SASH1: variants seen among roughly 807,000 people sequenced by gnomAD.
SASH1 encodes SAM and SH3 domain-containing protein 1.
A neutral mutation model predicts 125.2 loss-of-function variants in SASH1; 44 were observed. The observed-to-expected ratio is 0.35, with a 90% CI of 0.28 to 0.45. The LOEUF (loss-of-function observed/expected upper bound fraction) is 0.45. Ranked by LOEUF, SASH1 falls within the 20% of genes least tolerant of loss-of-function variation. The pLI is 1.00. For missense variants in SASH1, 1,426 were observed against 1,614.5 expected, an observed-to-expected ratio of 0.88 and a Z score of 2.00; for synonymous variants, 639 against 649.1, an observed-to-expected ratio of 0.98 and a Z score of 0.24.
At chr6:148,382,271 T>C (rs913797496) in intron 1 of SASH1, among the ~76,000 whole-genome samples, 3 of 152,160 alleles carry the variant, frequency 2.0e-5, no homozygotes, top group African/African-American at 7.2e-5. Context: ...CTCCGCCTTC[T>C]GTGTCCTCGG....
At chr6:148,361,959 G>T (rs571862007) in intron 1 of SASH1, among the ~76,000 whole-genome samples, 170 of 144,160 alleles carry the variant, frequency 1.2e-3, no homozygotes, top group Admixed American at 2.1e-3. Flanking sequence ...TGTCGCCCAG[G>T]CTGGAGTGCA....
the SASH1 span, among the ~76,000 whole-genome samples, chr6:148,254,043 T>TA: frequency 2.6e-5 from 4 of 151,890 alleles, no homozygotes; most frequent in East Asian, 7.7e-4. Flanking sequence ...CCATCTCTAC[T>TA]AAAAATACAA....
chr6:148,486,957 A>G (rs753774092), intron 7 of SASH1, among the ~76,000 whole-genome samples: 4 of 19,030 alleles, frequency 2.1e-4, no homozygotes, highest in Non-Finnish European at 3.4e-4. Context: ...ATATATATAT[A>G]TATATATATA....
rs569737641 is a variant in SASH1, at chr6:148,507,554, A to G, written c.730-6770A>G. On this transcript the variant is annotated intron_variant, in intron 8 of 19. Transcript: ENST00000367467. ...CCTGACTAAGTTTTGTAGTTTTAGT[A>G]GAGACGGGTTTTCACCATGTTTCCC... Among the ~76,000 whole-genome samples the G allele has an allele frequency of 1.2e-3, 187 of 152,214 alleles. 3 individuals are homozygous for G. The highest frequency in any genetic ancestry group is 2.2e-3 in the Admixed American group (33 of 15,290).
chr6:148,524,573 G>A (rs1781022660), intron 10 of SASH1: 1 of 152,162 alleles, frequency 6.6e-6, no homozygotes, highest in Non-Finnish European at 1.5e-5. Context: ...AAATTAAAAA[G>A]TGTGGTCAAA....
intron 7 of SASH1, among the ~76,000 whole-genome samples, chr6:148,483,769 T>A (rs765733408): frequency 6.6e-6 from 1 of 152,178 alleles, no homozygotes; most frequent in Non-Finnish European, 1.5e-5. Context: ...TCTTATAAAG[T>A]CATTAAGGTA....
the SASH1 span, among the ~76,000 whole-genome samples, chr6:148,265,285 A>G: frequency 7.1e-6 from 1 of 140,272 alleles, no homozygotes; most frequent in Non-Finnish European, 1.6e-5. Flanking sequence ...ATTCCAGCCT[A>G]GGTGATAAAA....
chr6:148,551,418 C>A lies in SASH1; in HGVS notation c.*2860C>A, dbSNP rs1363874897. On this transcript the variant is annotated 3_prime_UTR_variant, in exon 20 of 20. Coordinates refer to ENST00000367467, the MANE Select transcript of SASH1 (RefSeq NM_015278.5). ...ATTGTGTATGATTTTCACTTCAAAG[C>A]TGTCTGGAAGGAAATGCAGTCAGCT... The A allele has an allele frequency of 6.6e-6, 1 of 152,586 alleles. No homozygotes were observed. The highest frequency in any genetic ancestry group is 1.5e-5 in the Non-Finnish European group (1 of 68,032). 9.5% of individuals were successfully genotyped at this position (152,586 alleles called of 1,614,324 possible). A position where few individuals can be genotyped will look rare whatever the true frequency, so the allele number is the denominator to read the frequency against.
intron 4 of SASH1, among the ~76,000 whole-genome samples, chr6:148,449,682 C>T (rs1016133443): frequency 3.3e-5 from 5 of 152,234 alleles, no homozygotes; most frequent in African/African-American, 7.2e-5. Context: ...CCACTGCGCC[C>T]AGTCGGAGAC....
At chr6:148,463,466 GT>G (rs1260265413) in intron 4 of SASH1, among the ~76,000 whole-genome samples, 2 of 152,120 alleles carry the variant, frequency 1.3e-5, no homozygotes, top group African/African-American at 4.8e-5. Flanking sequence ...GTAAAACGGA[GT>G]TTAATAATAT....
At chr6:148,514,062 T>G in intron 8 of SASH1, 1 of 1,190,112 alleles carries the variant, frequency 8.4e-7, no homozygotes, top group South Asian at 2.4e-5. Context: ...TTGAGACAGA[T>G]GCCCCCACAG....
At chr6:148,407,689 G>A (rs1156603739) in intron 2 of SASH1, among the ~76,000 whole-genome samples, 1 of 152,320 alleles carries the variant, frequency 6.6e-6, no homozygotes, top group Non-Finnish European at 1.5e-5. Flanking sequence ...CTGGAGTGCA[G>A]TGGCGCAGTC....
intron 1 of SASH1, among the ~76,000 whole-genome samples, chr6:148,381,617 CTTTTTTT>C (rs201145545): frequency 4.5e-4 from 35 of 77,894 alleles, no homozygotes; most frequent in South Asian, 3.7e-3. Flanking sequence ...TTCTTGCTTT[CTTTTTTT>C]TTTTTTTTTT....
chr6:148,407,180 C>T (rs1240539693), intron 2 of SASH1, among the ~76,000 whole-genome samples: 2 of 152,218 alleles, frequency 1.3e-5, no homozygotes, highest in Non-Finnish European at 2.9e-5. Flanking sequence ...CAACCATCCA[C>T]AGAGCTCTTT....
At chr6:148,444,836 A>G (rs1645637716) in intron 4 of SASH1, among the ~76,000 whole-genome samples, 2 of 152,088 alleles carry the variant, frequency 1.3e-5, no homozygotes, top group Non-Finnish European at 2.9e-5. Flanking sequence ...AAGAATAGCT[A>G]CTCCATAGGC....
chr6:148,271,353 T>C (rs1271498751), upstream of SASH1, among the ~76,000 whole-genome samples: 1 of 152,220 alleles, frequency 6.6e-6, no homozygotes, highest in African/African-American at 2.4e-5. Context: ...CTTTACCATG[T>C]AGCTCTGTTA....
At chr6:148,199,169 G>A in the SASH1 span, among the ~76,000 whole-genome samples, 2 of 152,178 alleles carry the variant, frequency 1.3e-5, no homozygotes, top group African/African-American at 4.8e-5. Flanking sequence ...ATCACCTGAG[G>A]TCAGGAGTTC....
intron 2 of SASH1, among the ~76,000 whole-genome samples, chr6:148,408,323 G>A (rs1196761901): frequency 6.6e-6 from 1 of 150,578 alleles, no homozygotes; most frequent in African/African-American, 2.4e-5. Context: ...GGCCAGGTTG[G>A]TCTTGAACTC....
chr6:148,270,468 C>T (rs181879014), upstream of SASH1, among the ~76,000 whole-genome samples: 2 of 152,124 alleles, frequency 1.3e-5, no homozygotes, highest in East Asian at 3.9e-4. Flanking sequence ...GGAGTTATGC[C>T]TTTGGTGATT....
Sources: allele counts gnomAD v4.1 joint callset (sites outside exome capture counted in the v4.1 genomes callset), GRCh38; gene constraint gnomAD v4.1.1; transcripts MANE v1.5; gene names NCBI Gene and HGNC (gene_info 2026-07-23, HGNC 2026-07-21).